Variants in RHOBTB1 observed in about 807,000 individuals in gnomAD.
RHOBTB1 encodes rho-related BTB domain-containing protein 1.
RHOBTB1 carries 40 observed loss-of-function variants against 71.6 expected under a neutral mutation model. The observed-to-expected ratio is 0.56, with a 90% CI of 0.43 to 0.73. The LOEUF is 0.73. Ranked by LOEUF, RHOBTB1 falls within the 30% of genes least tolerant of loss-of-function variation. RHOBTB1 has a pLI of 0.00. For synonymous variants in RHOBTB1, 319 were observed against 334.9 expected, an observed-to-expected ratio of 0.95 and a Z score of 0.52; for missense variants, 797 against 894.0, an observed-to-expected ratio of 0.89 and a Z score of 1.38.
At chr10:60,908,854 C>A (rs973412077) in intron 4 of RHOBTB1, among the ~76,000 whole-genome samples, 1 of 152,154 alleles carries the variant, frequency 6.6e-6, no homozygotes, top group Non-Finnish European at 1.5e-5. Flanking sequence ...TACAAACATG[C>A]ACACAAAGCA....
chr10:60,987,328 A>T (rs957511521), intron 1 of RHOBTB1, among the ~76,000 whole-genome samples: 1 of 151,976 alleles, frequency 6.6e-6, no homozygotes, highest in East Asian at 1.9e-4. Context: ...CTAGAGCTTA[A>T]ATTATATCTT....
chr10:60,972,684 TA>T (rs1565167470), intron 2 of RHOBTB1, among the ~76,000 whole-genome samples: 1 of 151,702 alleles, frequency 6.6e-6, no homozygotes, highest in Admixed American at 6.6e-5. Flanking sequence ...TAAAGTATAA[TA>T]AAAAAAGAAA....
chr10:60,955,758 G>A (rs2085569611), intron 2 of RHOBTB1, among the ~76,000 whole-genome samples: 1 of 152,042 alleles, frequency 6.6e-6, no homozygotes, highest in South Asian at 2.1e-4. Flanking sequence ...TGAATGCAAG[G>A]GAAACAGGAA....
upstream of RHOBTB1, among the ~76,000 whole-genome samples, chr10:60,945,967 C>G (rs1026985038): frequency 5.9e-5 from 9 of 152,190 alleles, no homozygotes; most frequent in African/African-American, 2.2e-4. Context: ...ATCACGAGGT[C>G]AGGAGTTCGA....
At chr10:60,973,260 A>G (rs1253746022) in intron 2 of RHOBTB1, among the ~76,000 whole-genome samples, 2 of 152,108 alleles carry the variant, frequency 1.3e-5, no homozygotes, top group Non-Finnish European at 2.9e-5. Flanking sequence ...ATAAGATTTT[A>G]GTGGTTGCAG....
chr10:60,987,062 C>T (rs1438081922), intron 1 of RHOBTB1, among the ~76,000 whole-genome samples: 1 of 152,164 alleles, frequency 6.6e-6, no homozygotes, highest in African/African-American at 2.4e-5. Context: ...GACAGCTGCA[C>T]AGCCCATTTC....
chr10:60,955,284 G>A (rs112531042), intron 2 of RHOBTB1, among the ~76,000 whole-genome samples: 2,999 of 151,840 alleles, frequency 0.02, 71 homozygotes, highest in African/African-American at 0.054. Flanking sequence ...CTCGTGATCC[G>A]CCTGCTTCGG....
At chr10:60,888,113 A>C (rs1369062303) in intron 6 of RHOBTB1, 99 bp downstream of exon 6, 37 of 1,338,112 alleles carry the variant, frequency 2.8e-5, no homozygotes, top group Non-Finnish European at 3.3e-5. Context: ...AGTACGTATA[A>C]ATGTTAGCTA....
At chr10:60,964,167 T>A (rs1012583031) in intron 2 of RHOBTB1, among the ~76,000 whole-genome samples, 2 of 152,156 alleles carry the variant, frequency 1.3e-5, no homozygotes, top group Admixed American at 6.6e-5. Context: ...CATGCAACGT[T>A]ATTTTCTAAT....
chr10:60,865,778 A>T (rs77744337), downstream of RHOBTB1, among the ~76,000 whole-genome samples: 1 of 152,152 alleles, frequency 6.6e-6, no homozygotes, highest in Non-Finnish European at 1.5e-5. Context: ...CTTCCCACAC[A>T]TGCCTATCAC....
intron 7 of RHOBTB1, among the ~76,000 whole-genome samples, chr10:60,878,789 C>T (rs372720503): frequency 2.0e-5 from 3 of 152,154 alleles, no homozygotes; most frequent in Admixed American, 6.5e-5. Context: ...TGCTGGAGTT[C>T]GCCAGAGAGC....
At chr10:60,956,925 C>CATAT (rs2085614710) in intron 2 of RHOBTB1, among the ~76,000 whole-genome samples, 1 of 152,138 alleles carries the variant, frequency 6.6e-6, no homozygotes, top group African/African-American at 2.4e-5. Context: ...AACAGGAACC[C>CATAT]ATATGTGCAT....
At chr10:60,986,892 A>T (rs994533318) in intron 1 of RHOBTB1, among the ~76,000 whole-genome samples, 7 of 152,190 alleles carry the variant, frequency 4.6e-5, no homozygotes, top group African/African-American at 9.7e-5. Context: ...TCTCTAACAA[A>T]GACACAAGCA....
intron 7 of RHOBTB1, among the ~76,000 whole-genome samples, chr10:60,884,156 T>C (rs1158216846): frequency 6.6e-6 from 1 of 152,218 alleles, no homozygotes; most frequent in East Asian, 1.9e-4. Flanking sequence ...GAGAGTGGCC[T>C]AGTGATCTTC....
chr10:60,865,668 A>G (rs1218021656), downstream of RHOBTB1, among the ~76,000 whole-genome samples: 1 of 152,234 alleles, frequency 6.6e-6, no homozygotes, highest in Non-Finnish European at 1.5e-5. Context: ...TGCTGGTCAG[A>G]GGAACCAGTC....
intron 1 of RHOBTB1, among the ~76,000 whole-genome samples, chr10:60,999,211 A>C (rs1466646214): frequency 6.6e-6 from 1 of 152,178 alleles, no homozygotes; most frequent in African/African-American, 2.4e-5. Context: ...ACTGGAATGG[A>C]GCCTATTTAG....
rs763647139 is a variant in RHOBTB1 at position 60,878,047 on chromosome 10, C to T, written c.1587G>A (p.Pro529=). 9 of 1,610,234 alleles carry T rather than the reference C, an allele frequency of 5.6e-6. No homozygotes were observed. The highest frequency in any genetic ancestry group is 2.2e-5 in the South Asian group (2 of 89,876). ...VESANSEVYL[P]NINKISMQAV... ...CTTGCATTGATATCTTGTTTATGTT[C>T]GGGAGATACACCTGAAATGTTATAC... Residue 529 remains proline, a synonymous_variant, in exon 8 of 11, where the codon CCG becomes CCA. Coordinates refer to ENST00000337910, the MANE Select transcript of RHOBTB1 (RefSeq NM_014836.5).
intron 2 of RHOBTB1, among the ~76,000 whole-genome samples, chr10:60,934,137 T>C (rs965326495): frequency 6.6e-6 from 1 of 152,170 alleles, no homozygotes; most frequent in African/African-American, 2.4e-5. Flanking sequence ...AAATAAAATA[T>C]CTTTGTGTGT....
chr10:60,901,232 G>T (rs2082399540), intron 4 of RHOBTB1, among the ~76,000 whole-genome samples: 1 of 152,174 alleles, frequency 6.6e-6, no homozygotes, highest in African/African-American at 2.4e-5. Flanking sequence ...TTCTCTCTAG[G>T]CTGAGGGCAG....
Sources: gnomAD v4.1 joint callset for allele counts (sites outside exome capture counted in the v4.1 genomes callset) on GRCh38, gnomAD v4.1.1 for gene constraint, MANE v1.5 for transcripts, NCBI Gene and HGNC (gene_info 2026-07-23, HGNC 2026-07-21) for gene names.